The following SPO11 variants were observed in gnomAD, a reference collection of about 807,000 sequenced individuals.
The protein encoded by SPO11 is SPO11 initiator of meiotic double strand breaks.
SPO11 carries 49 observed loss-of-function variants against 51.6 expected under a neutral mutation model. The observed-to-expected ratio is 0.95, with a 90% CI of 0.75 to 1.20. The LOEUF is 1.20. SPO11 is among the 50% of genes most tolerant of loss of function. SPO11 has a pLI of 0.00. For synonymous variants in SPO11, 176 were observed against 158.2 expected, an observed-to-expected ratio of 1.11 and a Z score of -0.84; for missense variants, 431 against 473.4, an observed-to-expected ratio of 0.91 and a Z score of 0.83.
At chr20:57,334,300 G>A (rs1345016707) in intron 5 of SPO11, among the ~76,000 whole-genome samples, 7 of 151,804 alleles carry the variant, frequency 4.6e-5, no homozygotes, top group South Asian at 2.1e-4. Flanking sequence ...GACTACAGGC[G>A]CCTGCCACCA....
chr20:57,342,674 C>A, intron 11 of SPO11, 55 bp from the exon 12 acceptor site: 1 of 1,085,648 alleles, frequency 9.2e-7, no homozygotes, highest in Non-Finnish European at 1.4e-6. Context: ...AAATACAGGA[C>A]ATTCAAGTTA....
chr20:57,336,362 C>A (rs2066513501), intron 8 of SPO11, among the ~76,000 whole-genome samples: 1 of 152,186 alleles, frequency 6.6e-6, no homozygotes, highest in Non-Finnish European at 1.5e-5. Context: ...GAATCTCTTT[C>A]ATTTCAGCCC....
intron 8 of SPO11, among the ~76,000 whole-genome samples, 186 bp downstream of exon 8, chr20:57,336,093 C>T (rs1038415661): frequency 6.7e-6 from 1 of 149,290 alleles, no homozygotes; most frequent in African/African-American, 2.5e-5. Flanking sequence ...ACCTCAAGTT[C>T]TTTTTTTTTT....
Position 57,333,992 on chromosome 20 carries a change from T to G in SPO11, c.407T>G (p.Ile136Arg). 6.5e-7 allele frequency: 1 copy of G among 1,534,884 alleles called. No individual in the cohort carries two copies. Among genetic ancestry groups the G allele is most frequent in the South Asian group, 1.2e-5 (1 of 81,098 alleles). The change falls in exon 5 of 13, where the codon ATA becomes AGA. Residue 136 changes from isoleucine to arginine, a missense_variant. Around this residue, in one of 3 missense-constraint regions of SPO11, gnomAD observed 405 missense variants for 425.9 expected, o/e 0.95. Coordinates refer to ENST00000371263, the MANE Select transcript of SPO11 (RefSeq NM_012444.3). ...QSNTYATKRD[I>R]YYTDSQLFGN... The stretch of plus-strand genomic sequence containing the variant: ...TGTATTTTAAATTTTCATAGGGACA[T>G]ATATTACACTGACAGTCAACTCTTT...
intron 8 of SPO11, among the ~76,000 whole-genome samples, chr20:57,337,382 T>C (rs1205716501): frequency 6.6e-6 from 1 of 152,210 alleles, no homozygotes; most frequent in South Asian, 2.1e-4. Context: ...TTAATTCCTA[T>C]AATAATCTCA....
In SPO11 at chr20:57,329,900, G is replaced by T. The variant is rs1224779533; in HGVS notation, c.33G>T (p.Ser11=). The T allele has an allele frequency of 6.2e-7, 1 of 1,613,830 alleles. No homozygotes were observed. Among genetic ancestry groups the T allele is most frequent in the Non-Finnish European group, 8.5e-7 (1 of 1,179,892 alleles). ...TTGCACCTATGGGGCCCGAGGCCTC[G>T]TTCTTCGACGTTTTGGACCGACACA... MAFAPMGPEA[S]FFDVLDRHRE... is the part of the protein sequence containing the mutation. Residue 11 remains serine, a synonymous_variant, in exon 1 of 13, where the codon TCG becomes TCT. Coordinates refer to ENST00000371263, the MANE Select transcript of SPO11 (RefSeq NM_012444.3).
chr20:57,338,162 A>C, intron 8 of SPO11, 114 bp from the exon 9 acceptor site: 1 of 798,366 alleles, frequency 1.3e-6, no homozygotes, highest in Admixed American at 2.6e-5. Flanking sequence ...ACGTGCTGGG[A>C]TTACAGGCGT....
chr20:57,333,652 G>A (rs559516262), intron 3 of SPO11, 35 bp from the exon 4 acceptor site: 4 of 1,095,758 alleles, frequency 3.7e-6, no homozygotes, highest in Non-Finnish European at 5.5e-6. Context: ...TAAGAGAAAT[G>A]ATGAGTAACT....
chr20:57,334,965 A>G, intron 6 of SPO11, 129 bp downstream of exon 6: 1 of 699,690 alleles, frequency 1.4e-6, no homozygotes, highest in Non-Finnish European at 2.3e-6. Context: ...TGAAAGATGG[A>G]TAGGAATATG....
Position 57,335,843 on chromosome 20 carries a change from C to G in SPO11, c.680C>G (p.Ala227Gly). Reference protein sequence around the residue: ...AKFVLIVEKDATFQRLLDDNF... With the variant: ...AKFVLIVEKDGTFQRLLDDNF... The stretch of plus-strand genomic sequence containing the variant: ...TTTGTATTAATTGTAGAAAAAGATG[C>G]AACATTTCAGCGGCTCCTAGATGAC... The change falls in exon 8 of 13, where the codon GCA (alanine) becomes GGA (glycine). Residue 227 changes from alanine (A) to glycine (G), a missense_variant. Around this residue, in one of 3 missense-constraint regions of SPO11, gnomAD observed 405 missense variants for 425.9 expected, o/e 0.95. Coordinates refer to ENST00000371263, the MANE Select transcript of SPO11 (RefSeq NM_012444.3). 1.2e-6 allele frequency: 2 copies of G among 1,613,204 alleles called. No individual in the cohort carries two copies. The highest frequency in any genetic ancestry group is 1.7e-6 in the Non-Finnish European group (2 of 1,179,494).
chr20:57,342,089 G>T (rs2066589440), intron 11 of SPO11, among the ~76,000 whole-genome samples: 2 of 152,100 alleles, frequency 1.3e-5, no homozygotes, highest in African/African-American at 2.4e-5. Context: ...GACCTCTCAT[G>T]TTCTATTTTT....
In SPO11 at chr20:57,335,912, A is replaced by G; in HGVS notation, c.744+5A>G. ...TCTCCTTGCATCATGATTACGGTAT[A>G]TTATCTAACTTTACTACAATTCCAA... On this transcript the variant is annotated splice_donor_5th_base_variant and intron_variant, in intron 8 of 12. Transcript: ENST00000371263. 6.5e-7 allele frequency: 1 copy of G among 1,536,026 alleles called. No individual in the cohort carries two copies. Among genetic ancestry groups the G allele is most frequent in the Non-Finnish European group, 9.0e-7 (1 of 1,110,386 alleles).
chr20:57,342,579 T>A (rs1254770276), intron 11 of SPO11, 150 bp from the exon 12 acceptor site: 7 of 568,730 alleles, frequency 1.2e-5, no homozygotes, highest in Middle Eastern at 4.6e-4. Flanking sequence ...ACATGACAGA[T>A]CCCTTCAATC....
Position 57,331,837 on chromosome 20 carries a change from G to A in SPO11, c.136G>A (p.Glu46Lys). 6.4e-7 allele frequency: 1 copy of A among 1,557,950 alleles called. No homozygotes were observed. Among genetic ancestry groups the A allele is most frequent in the Non-Finnish European group, 8.7e-7 (1 of 1,149,996 alleles). The change falls in exon 2 of 13, where the codon GAG becomes AAG. Residue 46 changes from glutamate (E) to lysine (K), a missense_variant. This residue lies in a region of SPO11 where 405 missense variants were observed against 425.9 expected (regional missense o/e 0.95). Transcript: ENST00000371263. ...ATGCTCTGTTTATTGTTTCAGTTCT[G>A]AGGTTCTTGCATCTATAGAAAATAT... is the stretch of plus-strand genomic sequence containing the variant. The part of the protein sequence containing the change: ...TGGSRLASSS[E>K]VLASIENIIQ...
At chr20:57,335,999 C>T in intron 8 of SPO11, 92 bp downstream of exon 8, 2 of 707,330 alleles carry the variant, frequency 2.8e-6, no homozygotes, top group Non-Finnish European at 4.8e-6. Context: ...ACACAATGTC[C>T]TGTTTTCAAT....
chr20:57,335,339 T>C, intron 6 of SPO11, 80 bp from the exon 7 acceptor site: 1 of 1,231,294 alleles, frequency 8.1e-7, no homozygotes, highest in Non-Finnish European at 1.1e-6. Flanking sequence ...CAAAGAAAAA[T>C]AAAAACAGAG....
In SPO11 at chr20:57,334,749, G is replaced by T; in HGVS notation, c.511-1G>T. 1 of 1,612,474 alleles carries T rather than the reference G, an allele frequency of 6.2e-7. No homozygotes were observed. Among genetic ancestry groups the T allele is most frequent in the African/African-American group, 1.3e-5 (1 of 74,966 alleles). Reference sequence around the variant, plus strand: ...TCAAATATGTCTATTATTTTTTGCAGTTATCTACATCAAAAGGTTTAATTG... The same window carrying T: ...TCAAATATGTCTATTATTTTTTGCATTTATCTACATCAAAAGGTTTAATTG... On this transcript the variant is annotated splice_acceptor_variant, in intron 5 of 12. Transcript: ENST00000371263. LOFTEE classifies it high-confidence loss of function.
At chr20:57,341,650 T>G (rs149448187) in intron 11 of SPO11, among the ~76,000 whole-genome samples, 1 of 152,302 alleles carries the variant, frequency 6.6e-6, no homozygotes, top group African/African-American at 2.4e-5. Flanking sequence ...GAGGAAACAT[T>G]TCATTCTTTA....
At chr20:57,339,792 G>A (rs2066557955) in intron 10 of SPO11, among the ~76,000 whole-genome samples, 1 of 152,198 alleles carries the variant, frequency 6.6e-6, no homozygotes, top group African/African-American at 2.4e-5. Context: ...AGGCTGGAGT[G>A]CGGTGGTGCA....
Sources: gnomAD v4.1 joint callset for allele counts (sites outside exome capture counted in the v4.1 genomes callset) on GRCh38, gnomAD v4.1.1 for gene constraint, gnomAD v4.1.1 regional missense constraint, MANE v1.5 for transcripts, NCBI Gene and HGNC (gene_info 2026-07-23, HGNC 2026-07-21) for gene names.